The following NAPG variants were observed in gnomAD, a reference collection of about 807,000 sequenced individuals.
The protein encoded by NAPG is NSF attachment protein gamma.
Under a neutral mutation model 48.4 loss-of-function variants are expected in NAPG, and 25 were observed. That is an observed-to-expected ratio of 0.52 (90% CI 0.38 to 0.72). The LOEUF (loss-of-function observed/expected upper bound fraction) is 0.72. Among genes scored for constraint, NAPG ranks in the 30% least tolerant of loss-of-function variants. The probability of loss-of-function intolerance (pLI) is 0.00; values close to 1 mark genes in which losing one functional copy is unlikely to be tolerated. For synonymous variants in NAPG, 139 were observed against 127.2 expected, an observed-to-expected ratio of 1.09 and a Z score of -0.62; for missense variants, 359 against 372.5, an observed-to-expected ratio of 0.96 and a Z score of 0.30.
rs961341995 is a variant in NAPG at position 10,543,620 on chromosome 18, T to C, written c.507-2706T>C. Reference sequence around the variant, plus strand: ...GTGTAGAAGGTGTCTGTTGAAAGCTTGGGGATGAATGAGGTTCTGTGACAG... The same window carrying C: ...GTGTAGAAGGTGTCTGTTGAAAGCTCGGGGATGAATGAGGTTCTGTGACAG... On this transcript the variant is annotated intron_variant, in intron 8 of 11. Coordinates refer to ENST00000322897, the MANE Select transcript of NAPG (RefSeq NM_003826.3). The surrounding 1 kb of genome is among the most constrained non-coding windows in gnomAD (Gnocchi z 4.4). Among the ~76,000 whole-genome samples, 2 of 152,144 alleles carry C rather than the reference T, an allele frequency of 1.3e-5. No homozygotes were observed. The highest frequency in any genetic ancestry group is 4.8e-5 in the African/African-American group (2 of 41,418).
Position 10,534,391 on chromosome 18 carries a change from A to ATACT in NAPG, c.228-75_228-74insTACT, listed in dbSNP as rs2031990590. 3 of 1,253,946 alleles carry ATACT rather than the reference A, an allele frequency of 2.4e-6. No homozygotes were observed. In the East Asian group the frequency reaches 7.0e-5, roughly 29 times the overall value. The allele number at this position is 1,253,946 out of a possible 1,614,324, so 77.7% of individuals were successfully genotyped here. ...AATTGAAGTCACTTTCCTTACCAGTAGTTCCTCACCAGAAAGTTTCTTCTA... is the reference window on the plus strand; with the variant it reads ...AATTGAAGTCACTTTCCTTACCAGTATACTGTTCCTCACCAGAAAGTTTCTTCTA... On this transcript the variant is annotated intron_variant, in intron 4 of 11. Transcript: ENST00000322897. This position sits in a 1 kb window ranked among gnomAD's most constrained non-coding sequence, Gnocchi z 5.0.
intron 1 of NAPG, among the ~76,000 whole-genome samples, chr18:10,527,150 T>C (rs1261475164): frequency 2.9e-5 from 4 of 138,730 alleles, no homozygotes; most frequent in African/African-American, 1.1e-4. Context: ...ATCGCGCCAC[T>C]GCACTCCAGC....
chr18:10,539,882 G>C lies in NAPG; in HGVS notation c.368+11G>C. ...GGAGCGAGCTGGAAAGTGAGTGTGA[G>C]ATGGACAAGTCTCTGCATAGAAGTC... is the stretch of plus-strand genomic sequence containing the variant. On this transcript the variant is annotated intron_variant, in intron 6 of 11. Coordinates refer to ENST00000322897, the MANE Select transcript of NAPG (RefSeq NM_003826.3). The surrounding 1 kb of genome is among the most constrained non-coding windows in gnomAD (Gnocchi z 4.7). 1 of 1,613,456 alleles carries C rather than the reference G, an allele frequency of 6.2e-7. No homozygotes were observed. Among genetic ancestry groups the C allele is most frequent in the Non-Finnish European group, 8.5e-7 (1 of 1,179,456 alleles).
intron 5 of NAPG, among the ~76,000 whole-genome samples, chr18:10,538,748 T>A (rs1036110701): frequency 9.2e-5 from 14 of 152,228 alleles, no homozygotes; most frequent in African/African-American, 3.1e-4. Flanking sequence ...ATATCTTTAT[T>A]GCTATACAAT....
chr18:10,544,929 A>G lies in NAPG; in HGVS notation c.507-1397A>G, dbSNP rs972389308. ...ATCCCATAAAGATTCAGTTTAACTCATGATGTAAGTAGCCATAATAGCATA... is the reference window on the plus strand; with the variant it reads ...ATCCCATAAAGATTCAGTTTAACTCGTGATGTAAGTAGCCATAATAGCATA... On this transcript the variant is annotated intron_variant, in intron 8 of 11. Transcript: ENST00000322897. This position sits in a 1 kb window ranked among gnomAD's most constrained non-coding sequence, Gnocchi z 5.1. Among the ~76,000 whole-genome samples the G allele has an allele frequency of 1.3e-5, 2 of 152,170 alleles. No homozygotes were observed. The highest frequency in any genetic ancestry group is 4.8e-5 in the African/African-American group (2 of 41,430).
In NAPG at chr18:10,540,069, TA is replaced by T. The variant is rs759418288; in HGVS notation, c.435+16del. 3.3e-6 allele frequency: 5 copies of T among 1,534,302 alleles called. No homozygotes were observed. Among genetic ancestry groups the T allele is most frequent in the Non-Finnish European group, 3.5e-6 (4 of 1,135,870 alleles). On this transcript the variant is annotated intron_variant, in intron 7 of 11. Transcript: ENST00000322897. Reference sequence around the variant, plus strand: ...ATGTGTTTGAAGTAAGTTTGAATCTTATTTTTTTCTTTAATTACTTAGAATG... The same window carrying T: ...ATGTGTTTGAAGTAAGTTTGAATCTTTTTTTTTCTTTAATTACTTAGAATG...
intron 9 of NAPG, among the ~76,000 whole-genome samples, chr18:10,547,080 G>A (rs1205536912): frequency 6.6e-6 from 1 of 152,228 alleles, no homozygotes; most frequent in East Asian, 1.9e-4. Context: ...CTCTTCAGCT[G>A]TGCTGAGACA....
At chr18:10,549,276 T>C (rs1285701524) in intron 11 of NAPG, among the ~76,000 whole-genome samples, 180 bp downstream of exon 11, 3 of 152,230 alleles carry the variant, frequency 2.0e-5, no homozygotes, top group Admixed American at 6.5e-5. Context: ...TTAGATAAAA[T>C]AGATGTTAGT....
chr18:10,548,629 C>A lies in NAPG; in HGVS notation c.665+251C>A, dbSNP rs565743933. ...TCATTTTAGTCATTTTATTTGCCTT[C>A]TAAGAAAAAAAGAACAAGAAAAAGG... On this transcript the variant is annotated intron_variant, in intron 10 of 11. Coordinates refer to ENST00000322897, the MANE Select transcript of NAPG (RefSeq NM_003826.3). The surrounding 1 kb of genome is among the most constrained non-coding windows in gnomAD (Gnocchi z 4.4). 6.8e-6 allele frequency among the ~76,000 whole-genome samples: 1 copy of A among 147,052 alleles called. No homozygotes were observed. Among genetic ancestry groups the A allele is most frequent in the Non-Finnish European group, 1.5e-5 (1 of 67,140 alleles).
rs1208572548 is a variant in NAPG, at chr18:10,543,644, A to C, written c.507-2682A>C. On this transcript the variant is annotated intron_variant, in intron 8 of 11. Coordinates refer to ENST00000322897, the MANE Select transcript of NAPG (RefSeq NM_003826.3). The surrounding 1 kb of genome is among the most constrained non-coding windows in gnomAD (Gnocchi z 4.4). ...TTGGGGATGAATGAGGTTCTGTGAC[A>C]GTTTTCTGCCATTTGCACATAACTT... is the stretch of plus-strand genomic sequence containing the variant. 6.6e-6 allele frequency among the ~76,000 whole-genome samples: 1 copy of C among 152,198 alleles called. No homozygotes were observed. The highest frequency in any genetic ancestry group is 2.4e-5 in the African/African-American group (1 of 41,450).
rs897183657 is a variant in NAPG at position 10,539,855 on chromosome 18, T to C, written c.352T>C (p.Leu118=). The C allele has an allele frequency of 6.2e-6, 10 of 1,613,858 alleles. No homozygotes were observed. The East Asian group carries it at 2.2e-4, about 36-fold the overall frequency. ...NGTPDTAAMA[L]ERAGKLIENV... is the part of the protein sequence containing the mutation. ...CACCCCAGACACAGCAGCCATGGCT[T>C]TGGAGCGAGCTGGAAAGTGAGTGTG... Residue 118 remains leucine, a synonymous_variant, in exon 6 of 12, where the codon TTG becomes CTG. Transcript: ENST00000322897. This position sits in a 1 kb window ranked among gnomAD's most constrained non-coding sequence, Gnocchi z 4.7.
intron 8 of NAPG, among the ~76,000 whole-genome samples, chr18:10,545,684 G>A (rs2032248313): frequency 6.6e-6 from 1 of 152,230 alleles, no homozygotes; most frequent in African/African-American, 2.4e-5. Context: ...GGAGGGTTTG[G>A]GGGAAATGTT....
rs1423802135 is a variant in NAPG, at chr18:10,549,882, T to A, written c.796-195T>A. ...TAAAAAAAATTTATAATTGAAACTTTTACTAGTTGTGTACCTGTCCCACCA... is the reference window on the plus strand; with the variant it reads ...TAAAAAAAATTTATAATTGAAACTTATACTAGTTGTGTACCTGTCCCACCA... On this transcript the variant is annotated intron_variant, in intron 11 of 11. Transcript: ENST00000322897. Among the ~76,000 whole-genome samples the A allele has an allele frequency of 3.9e-5, 6 of 152,182 alleles. No homozygotes were observed. The South Asian group carries it at 8.3e-4, about 21-fold the overall frequency.
chr18:10,531,772 T>G (rs189824320), intron 2 of NAPG, among the ~76,000 whole-genome samples: 2 of 152,330 alleles, frequency 1.3e-5, no homozygotes, highest in Non-Finnish European at 2.9e-5. Context: ...GTGAGGGAAA[T>G]TTAACACAGA....
intron 1 of NAPG, among the ~76,000 whole-genome samples, chr18:10,527,043 C>T (rs1187532369): frequency 1.3e-5 from 2 of 151,944 alleles, no homozygotes; most frequent in Non-Finnish European, 2.9e-5. Flanking sequence ...AAAAAATTAG[C>T]CGGGCGTGGT....
At chr18:10,532,849 C>A in intron 3 of NAPG, 54 bp downstream of exon 3, 2 of 1,399,906 alleles carry the variant, frequency 1.4e-6, no homozygotes, top group Non-Finnish European at 1.9e-6. Context: ...TTTTGACAAG[C>A]TGTTTTCTCT....
intron 9 of NAPG, among the ~76,000 whole-genome samples, chr18:10,547,143 T>C (rs2032285313): frequency 6.6e-6 from 1 of 152,206 alleles, no homozygotes; most frequent in Non-Finnish European, 1.5e-5. Context: ...ATTTCATCAC[T>C]GTCGAAGTGT....
chr18:10,535,091 A>G (rs889272010), intron 5 of NAPG, among the ~76,000 whole-genome samples: 21 of 152,272 alleles, frequency 1.4e-4, no homozygotes, highest in African/African-American at 5.1e-4. Flanking sequence ...GCCAGCTGGC[A>G]GTTGAAATGA....
rs1426066953 is a variant in NAPG, at chr18:10,534,523, G to A, written c.258+27G>A. 6.2e-7 allele frequency: 1 copy of A among 1,610,120 alleles called. No homozygotes were observed. Among genetic ancestry groups the A allele is most frequent in the Non-Finnish European group, 8.5e-7 (1 of 1,176,676 alleles). ...TCAGTAATGTTATGTCACAATTGTTGTGTAGGTAAAATGAATTAACTACAA... is the reference window on the plus strand; with the variant it reads ...TCAGTAATGTTATGTCACAATTGTTATGTAGGTAAAATGAATTAACTACAA... On this transcript the variant is annotated intron_variant, in intron 5 of 11. Transcript: ENST00000322897. The surrounding 1 kb of genome is among the most constrained non-coding windows in gnomAD (Gnocchi z 5.0).
Sources: allele counts gnomAD v4.1 joint callset (sites outside exome capture counted in the v4.1 genomes callset), GRCh38; gene constraint gnomAD v4.1.1; non-coding constraint Gnocchi (gnomAD v3.1); transcripts MANE v1.5; gene names NCBI Gene and HGNC (gene_info 2026-07-23, HGNC 2026-07-21).